SMARCE1: variants seen among roughly 807,000 people sequenced by gnomAD.
SMARCE1 encodes the protein SWI/SNF-related matrix-associated actin-dependent regulator of chromatin subfamily E member 1.
A neutral mutation model predicts 54.9 loss-of-function variants in SMARCE1; 13 were observed. That is an observed-to-expected ratio of 0.24 (90% confidence interval 0.15 to 0.38). SMARCE1 has a LOEUF of 0.38. Ranked by LOEUF, SMARCE1 falls within the 10% of genes least tolerant of loss-of-function variation. SMARCE1 has a pLI of 1.00. For missense variants in SMARCE1, 295 were observed against 523.8 expected, an observed-to-expected ratio of 0.56 and a Z score of 4.26; for synonymous variants, 151 against 175.3, an observed-to-expected ratio of 0.86 and a Z score of 1.10.
chr17:40,641,947 G>GT (rs1197212125), intron 4 of SMARCE1: 2 of 161,432 alleles, frequency 1.2e-5, no homozygotes, highest in African/African-American at 4.8e-5. Flanking sequence ...CTTTTTCACT[G>GT]TAGAGAAATG....
chr17:40,637,641 C>T, intron 4 of SMARCE1, 69 bp from the exon 5 acceptor site: 2 of 1,271,644 alleles, frequency 1.6e-6, no homozygotes, highest in Non-Finnish European at 2.3e-6. Flanking sequence ...AAAGAGAGTC[C>T]CTTAAAAAAT....
rs2143980137 is a variant in SMARCE1 at position 40,628,778 on chromosome 17, G to A, written c.*7C>T. 8 of 1,605,002 alleles carry A rather than the reference G, an allele frequency of 5.0e-6. No individual in the cohort carries two copies. Among genetic ancestry groups the A allele is most frequent in the Non-Finnish European group, 6.8e-6 (8 of 1,172,246 alleles). On this transcript the variant is annotated 3_prime_UTR_variant, in exon 11 of 11. Transcript: ENST00000348513. ...AAGTATTTAGAACACACAAAACAAG[G>A]CAACACTTATTCTTTTTTCTCATCT...
chr17:40,635,737 T>G (rs1016285514), intron 7 of SMARCE1, 194 bp downstream of exon 7: 1 of 402,842 alleles, frequency 2.5e-6, no homozygotes, highest in Non-Finnish European at 4.3e-6. Flanking sequence ...TTTTCTGCAC[T>G]GAAAAGGATA....
At chr17:40,631,389 T>G in intron 9 of SMARCE1, 1 of 525,922 alleles carries the variant, frequency 1.9e-6, no homozygotes, top group Admixed American at 3.2e-5. Flanking sequence ...ATGTGTATAC[T>G]CTATGATATT....
chr17:40,628,737 AT>A lies in SMARCE1; in HGVS notation c.*47del. ...CGTAACACCATTAAAACCAAAAAAC[AT>A]TTTTTCATTAAAAAAAGTATTTAGA... On this transcript the variant is annotated 3_prime_UTR_variant, in exon 11 of 11. Coordinates refer to ENST00000348513, the MANE Select transcript of SMARCE1 (RefSeq NM_003079.5). The A allele has an allele frequency of 6.6e-7, 1 of 1,505,974 alleles. No homozygotes were observed. Among genetic ancestry groups the A allele is most frequent in the Non-Finnish European group, 9.2e-7 (1 of 1,087,672 alleles). The allele number at this position is 1,505,974 out of a possible 1,614,324, so 93.3% of individuals were successfully genotyped here.
At chr17:40,644,751 C>G (rs956326308) in intron 3 of SMARCE1, 2 of 152,072 alleles carry the variant, frequency 1.3e-5, no homozygotes, top group Non-Finnish European at 2.9e-5. Flanking sequence ...GAAAAGTAGA[C>G]TAGCCTGAAA....
chr17:40,631,716 A>C (rs2037097408), intron 8 of SMARCE1, 23 bp from the exon 9 acceptor site: 1 of 1,339,618 alleles, frequency 7.5e-7, no homozygotes, highest in Admixed American at 1.7e-5. Context: ...ATCAGGCTTC[A>C]TAATTGTGTC....
intron 5 of SMARCE1, chr17:40,637,174 T>C (rs948008908): frequency 7.4e-6 from 2 of 271,178 alleles, no homozygotes; most frequent in African/African-American, 2.3e-5. Flanking sequence ...AAATGAGATA[T>C]TAATTCATGT....
At chr17:40,629,474 G>A in intron 10 of SMARCE1, 3 of 1,109,646 alleles carry the variant, frequency 2.7e-6, no homozygotes, top group Non-Finnish European at 3.4e-6. Context: ...GAGTTAGTCT[G>A]TAGTGCTATG....
chr17:40,633,248 G>C (rs1198953385), intron 7 of SMARCE1: 1 of 152,152 alleles, frequency 6.6e-6, no homozygotes, highest in Non-Finnish European at 1.5e-5. Flanking sequence ...GACCCCATGT[G>C]ATCTGCCCAT....
rs1478204208 is a variant in SMARCE1, at chr17:40,627,599, A to G, written c.*1186T>C. On this transcript the variant is annotated 3_prime_UTR_variant, in exon 11 of 11. Coordinates refer to ENST00000348513, the MANE Select transcript of SMARCE1 (RefSeq NM_003079.5). Reference sequence around the variant, plus strand: ...GTTGGGTGAGACAAGGGCCCTGAGTACACAAATTTATAATGGCTGAGTGGT... The same window carrying G: ...GTTGGGTGAGACAAGGGCCCTGAGTGCACAAATTTATAATGGCTGAGTGGT... 6.6e-6 allele frequency: 1 copy of G among 152,612 alleles called. No homozygotes were observed. 9.5% of individuals were successfully genotyped at this position (152,612 alleles called of 1,614,324 possible).
intron 9 of SMARCE1, 104 bp from the exon 10 acceptor site, chr17:40,631,028 A>G (rs923208420): frequency 9.9e-6 from 8 of 811,068 alleles, no homozygotes; most frequent in African/African-American, 3.5e-5. Flanking sequence ...CTATATATAT[A>G]TATCTATACA....
chr17:40,628,128 C>A lies in SMARCE1; in HGVS notation c.*657G>T, dbSNP rs1482978806. On this transcript the variant is annotated 3_prime_UTR_variant, in exon 11 of 11. Transcript: ENST00000348513. ...TTACCAGAACATACCCAGTATTAAT[C>A]ATAACAAAAAGCAGTATAGATAATG... 6.6e-6 allele frequency: 1 copy of A among 152,516 alleles called. No individual in the cohort carries two copies. The highest frequency in any genetic ancestry group is 2.1e-4 in the South Asian group (1 of 4,824). 9.4% of individuals were successfully genotyped at this position (152,516 alleles called of 1,614,324 possible).
chr17:40,633,022 G>A (rs912095222), intron 7 of SMARCE1: 2 of 152,094 alleles, frequency 1.3e-5, no homozygotes, highest in African/African-American at 4.8e-5. Context: ...CTTCTGTTTC[G>A]TTTTGAGACA....
chr17:40,630,334 G>T, intron 10 of SMARCE1: 1 of 843,318 alleles, frequency 1.2e-6, no homozygotes, highest in Non-Finnish European at 2.0e-6. Flanking sequence ...AGGCCAGGCA[G>T]TTGTTGTTGC....
chr17:40,642,387 C>T lies in SMARCE1; in HGVS notation c.156+68G>A, dbSNP rs747684109. ...GGCTGTGCTTATGATTCAAAAAGAC[C>T]TAATTCTGAAGGCATTTCTGGTCAA... On this transcript the variant is annotated intron_variant, in intron 4 of 10. Coordinates refer to ENST00000348513, the MANE Select transcript of SMARCE1 (RefSeq NM_003079.5). This position sits in a 1 kb window ranked among gnomAD's most constrained non-coding sequence, Gnocchi z 4.6. 1.2e-5 allele frequency: 12 copies of T among 1,007,290 alleles called. No individual in the cohort carries two copies. Among genetic ancestry groups the T allele is most frequent in the Non-Finnish European group, 1.9e-5 (12 of 626,058 alleles). 62.4% of individuals were successfully genotyped at this position (1,007,290 alleles called of 1,614,324 possible). A position where few individuals can be genotyped will look rare whatever the true frequency, so the allele number is the denominator to read the frequency against.
At chr17:40,629,086 C>T (rs1034821461) in intron 10 of SMARCE1, 93 bp from the exon 11 acceptor site, 1 of 998,384 alleles carries the variant, frequency 1.0e-6, no homozygotes, top group East Asian at 2.4e-5. Flanking sequence ...ATATAGAAGC[C>T]ACTAGCCACA....
In SMARCE1 at chr17:40,629,163, T is replaced by G. The variant is rs561900228; in HGVS notation, c.1028-170A>C. The G allele has an allele frequency of 5.2e-6, 3 of 580,562 alleles. No individual in the cohort carries two copies. In the South Asian group the frequency reaches 7.5e-5, roughly 14 times the overall value. 36.0% of individuals were successfully genotyped at this position (580,562 alleles called of 1,614,324 possible). A position where few individuals can be genotyped will look rare whatever the true frequency, so the allele number is the denominator to read the frequency against. On this transcript the variant is annotated intron_variant, in intron 10 of 10. Transcript: ENST00000348513. ...AACTTTTAAGAATGTTGGAACAATT[T>G]GGGTATGAAAATCTACTTTTTAGCT...
intron 7 of SMARCE1, chr17:40,632,643 G>GT (rs2143989165): frequency 2.9e-6 from 1 of 341,144 alleles, no homozygotes; most frequent in African/African-American, 2.1e-5. Context: ...GATACAACAT[G>GT]TCTCTTCTGG....
Sources: allele counts gnomAD v4.1 joint callset, GRCh38; gene constraint gnomAD v4.1.1; non-coding constraint Gnocchi (gnomAD v3.1); transcripts MANE v1.5; gene names NCBI Gene and HGNC (gene_info 2026-07-23, HGNC 2026-07-21).